Variants in CPQ observed in about 807,000 individuals in gnomAD.
CPQ encodes Ser-Met dipeptidase.
CPQ carries 37 observed loss-of-function variants against 45.7 expected under a neutral mutation model. The ratio of observed to expected loss-of-function variants is 0.81; its 90% confidence interval spans 0.62 to 1.07. The LOEUF (loss-of-function observed/expected upper bound fraction) is 1.07, where lower values mean the gene tolerates loss of function less well. Ranked by LOEUF, CPQ falls within the 50% of genes least tolerant of loss-of-function variation. The pLI, the probability that CPQ is intolerant of heterozygous loss-of-function variation, is 0.00. For synonymous variants in CPQ, 186 were observed against 205.8 expected (o/e 0.90, Z 0.82); for missense variants, 537 against 572.9 (o/e 0.94, Z 0.64).
chr8:96,998,513 G>A (rs1008872830), intron 5 of CPQ, among the ~76,000 whole-genome samples: 12 of 151,894 alleles, frequency 7.9e-5, no homozygotes, highest in African/African-American at 1.2e-4. Context: ...GTTCCAGTGG[G>A]AGAAAATAGA....
intron 4 of CPQ, among the ~76,000 whole-genome samples, chr8:96,962,563 T>G (rs1264817703): frequency 1.3e-5 from 2 of 152,238 alleles, no homozygotes; most frequent in Non-Finnish European, 2.9e-5. Flanking sequence ...GGGTAGTCTG[T>G]TTTTGTTTGT....
intron 5 of CPQ, among the ~76,000 whole-genome samples, chr8:97,010,208 T>C (rs956029090): frequency 6.6e-6 from 1 of 152,210 alleles, no homozygotes; most frequent in Non-Finnish European, 1.5e-5. Context: ...GGTCTACCTA[T>C]GCCATTAGTA....
chr8:97,071,458 G>A (rs1810741894), intron 7 of CPQ, among the ~76,000 whole-genome samples: 1 of 152,036 alleles, frequency 6.6e-6, no homozygotes, highest in South Asian at 2.1e-4. Flanking sequence ...CTCATTAGCA[G>A]GCACTATAAT....
chr8:96,869,959 T>A (rs1342460295), intron 3 of CPQ, among the ~76,000 whole-genome samples: 1 of 152,024 alleles, frequency 6.6e-6, no homozygotes, highest in Non-Finnish European at 1.5e-5. Flanking sequence ...GTCCAGAAAT[T>A]GAGCTTGTAG....
chr8:96,892,556 T>C (rs1586440824), intron 4 of CPQ, among the ~76,000 whole-genome samples: 1 of 152,240 alleles, frequency 6.6e-6, no homozygotes, highest in African/African-American at 2.4e-5. Flanking sequence ...AGCTGGCAAA[T>C]TCATTCTTTT....
intron 4 of CPQ, among the ~76,000 whole-genome samples, chr8:96,916,651 T>C (rs2130908055): frequency 6.6e-6 from 1 of 152,276 alleles, no homozygotes; most frequent in South Asian, 2.1e-4. Flanking sequence ...CTGAAGTCCA[T>C]AGCTTATTTA....
At chr8:96,956,397 T>C (rs961752918) in intron 4 of CPQ, among the ~76,000 whole-genome samples, 1 of 152,124 alleles carries the variant, frequency 6.6e-6, no homozygotes, top group Non-Finnish European at 1.5e-5. Context: ...TTTTGAGTTG[T>C]GATACACAAA....
At chr8:96,942,287 A>T (rs576538993) in intron 4 of CPQ, among the ~76,000 whole-genome samples, 17 of 152,276 alleles carry the variant, frequency 1.1e-4, no homozygotes, top group African/African-American at 3.8e-4. Context: ...TTGGATTTGC[A>T]AACCTTACTC....
At chr8:97,066,354 A>T in intron 7 of CPQ, 144 bp downstream of exon 7, 1 of 694,618 alleles carries the variant, frequency 1.4e-6, no homozygotes, top group Admixed American at 3.3e-5. Context: ...TAATCTGATG[A>T]TTTCTAAAAC....
In CPQ at chr8:96,783,282, T is replaced by TGTGTGTGTGTGCGTGC. The variant is rs1282570815; in HGVS notation, c.-34-1579_-34-1578insTGTGTGTGCGTGCGTG. ...GTGAGTGTGTGTGTGTGTGTGTGTG[T>TGTGTGTGTGTGCGTGC]GTGCTGCTTTAACAGAATACCACAG... On this transcript the variant is annotated intron_variant, in intron 1 of 7. Coordinates refer to ENST00000220763, the MANE Select transcript of CPQ (RefSeq NM_016134.4). Among the ~76,000 whole-genome samples the TGTGTGTGTGTGCGTGC allele has an allele frequency of 1.2e-3, 186 of 152,180 alleles. 2 individuals carry two copies. Among genetic ancestry groups the TGTGTGTGTGTGCGTGC allele is most frequent in the African/African-American group, 4.4e-3 (181 of 41,514 alleles).
At chr8:97,020,838 T>C (rs181660191) in intron 5 of CPQ, among the ~76,000 whole-genome samples, 2 of 152,008 alleles carry the variant, frequency 1.3e-5, no homozygotes, top group Admixed American at 6.6e-5. Flanking sequence ...TTCCACAAGA[T>C]AGAGAAAAAG....
At chr8:96,878,097 T>C (rs1812172274) in intron 3 of CPQ, among the ~76,000 whole-genome samples, 1 of 152,076 alleles carries the variant, frequency 6.6e-6, no homozygotes, top group Admixed American at 6.5e-5. Context: ...CTGTAATCTC[T>C]GGGGATTACA....
At chr8:96,926,576 C>CTCTTCCTCTTCCTCT (rs1445697100) in intron 4 of CPQ, among the ~76,000 whole-genome samples, 47 of 75,010 alleles carry the variant, frequency 6.3e-4, no homozygotes, top group African/African-American at 2.0e-3. Context: ...CTTCCTCTTC[C>CTCTTCCTCTTCCTCT]TCTTCTTCTT....
chr8:97,033,688 G>A (rs1036184927), intron 6 of CPQ, among the ~76,000 whole-genome samples: 2 of 151,506 alleles, frequency 1.3e-5, no homozygotes, highest in African/African-American at 4.8e-5. Flanking sequence ...AACCTACATG[G>A]CACTAGCTAG....
intron 7 of CPQ, among the ~76,000 whole-genome samples, chr8:97,100,690 TGAA>T (rs943064929): frequency 4.1e-4 from 62 of 152,308 alleles, no homozygotes; most frequent in Middle Eastern, 3.4e-3. Context: ...ATGGTAAACT[TGAA>T]GAGCTTTTTT....
chr8:96,965,816 TAAA>T, intron 4 of CPQ, 116 bp from the exon 5 acceptor site: 2 of 635,062 alleles, frequency 3.1e-6, no homozygotes. Context: ...TTTAAAGACA[TAAA>T]AATAGGAAAG....
intron 5 of CPQ, among the ~76,000 whole-genome samples, chr8:96,999,563 C>T (rs117595414): frequency 6.6e-6 from 1 of 152,024 alleles, no homozygotes; most frequent in Non-Finnish European, 1.5e-5. Flanking sequence ...CTGCAAAGAA[C>T]ATGATCTCGT....
intron 1 of CPQ, among the ~76,000 whole-genome samples, chr8:96,721,620 C>T (rs930558160): frequency 6.6e-6 from 1 of 152,100 alleles, no homozygotes; most frequent in African/African-American, 2.4e-5. Flanking sequence ...ATACTACCTC[C>T]AGAGTGAACT....
At chr8:96,718,248 GGGTTCTTGGTCTC>G (rs1275328133) in intron 1 of CPQ, among the ~76,000 whole-genome samples, 3 of 152,298 alleles carry the variant, frequency 2.0e-5, no homozygotes, top group Admixed American at 6.5e-5. Flanking sequence ...CGGAATTGGT[GGGTTCTTGGTCTC>G]ACTGACTTCA....
Sources: allele counts gnomAD v4.1 joint callset (sites outside exome capture counted in the v4.1 genomes callset), GRCh38; gene constraint gnomAD v4.1.1; transcripts MANE v1.5; gene names NCBI Gene and HGNC (gene_info 2026-07-23, HGNC 2026-07-21).